NKAIN2: variants seen among roughly 807,000 people sequenced by gnomAD.
The protein encoded by NKAIN2 is sodium/potassium-transporting ATPase subunit beta-1-interacting protein 2.
In NKAIN2, 14 loss-of-function variants were observed where a neutral mutation model predicts 32.6. The ratio of observed to expected loss-of-function variants is 0.43; its 90% confidence interval spans 0.28 to 0.67. The LOEUF is 0.67. Ranked by LOEUF, NKAIN2 falls within the 30% of genes least tolerant of loss-of-function variation. The pLI is 0.17. For synonymous variants in NKAIN2, 80 were observed against 87.2 expected, an observed-to-expected ratio of 0.92 and a Z score of 0.46; for missense variants, 198 against 258.3, an observed-to-expected ratio of 0.77 and a Z score of 1.60.
chr6:124,427,168 A>G (rs907316033), intron 3 of NKAIN2, among the ~76,000 whole-genome samples: 1 of 152,194 alleles, frequency 6.6e-6, no homozygotes, highest in African/African-American at 2.4e-5. Flanking sequence ...GTATTTGCCC[A>G]AGAGAAAATA....
At chr6:124,639,665 G>A (rs1015688004) in intron 3 of NKAIN2, among the ~76,000 whole-genome samples, 2 of 151,986 alleles carry the variant, frequency 1.3e-5, no homozygotes, top group Non-Finnish European at 2.9e-5. Context: ...TATATACCAC[G>A]AAATACTATT....
In NKAIN2 at chr6:123,859,217, T is replaced by C. The variant is rs749640798; in HGVS notation, c.54+54963T>C. Among the ~76,000 whole-genome samples the C allele has an allele frequency of 4.6e-5, 7 of 152,290 alleles. No homozygotes were observed. In the South Asian group the frequency reaches 1.4e-3, roughly 32 times the overall value. ...TTGAATTGCTATTAGAATTCACTGA[T>C]GCTGTGAACAGATTCCATGTGATCA... On this transcript the variant is annotated intron_variant, in intron 1 of 6. Transcript: ENST00000368417.
intron 4 of NKAIN2, among the ~76,000 whole-genome samples, chr6:124,737,335 C>A (rs1776998608): frequency 6.6e-6 from 1 of 151,820 alleles, no homozygotes; most frequent in Admixed American, 6.6e-5. Flanking sequence ...GCTTTTCCCC[C>A]TTTTGCTTGG....
At chr6:124,339,055 CT>C (rs1462690926) in intron 2 of NKAIN2, among the ~76,000 whole-genome samples, 1 of 152,112 alleles carries the variant, frequency 6.6e-6, no homozygotes, top group Non-Finnish European at 1.5e-5. Context: ...GACCCAGTGG[CT>C]CACGGGCTGG....
intron 3 of NKAIN2, among the ~76,000 whole-genome samples, chr6:124,444,249 C>T (rs1490030577): frequency 6.6e-6 from 1 of 151,960 alleles, no homozygotes; most frequent in Admixed American, 6.6e-5. Flanking sequence ...ATCTCAAATT[C>T]TATCTTATAA....
intron 3 of NKAIN2, among the ~76,000 whole-genome samples, chr6:124,467,420 G>C (rs1776803864): frequency 6.6e-6 from 1 of 152,020 alleles, no homozygotes; most frequent in Non-Finnish European, 1.5e-5. Context: ...ACCATTATCT[G>C]AAAATGAAAG....
intron 1 of NKAIN2, among the ~76,000 whole-genome samples, chr6:124,168,290 C>T (rs757140738): frequency 6.6e-6 from 1 of 152,010 alleles, no homozygotes; most frequent in Admixed American, 6.6e-5. Context: ...AGTAAAGATA[C>T]CATCAGAATG....
At chr6:124,489,749 AG>A (rs891198586) in intron 3 of NKAIN2, among the ~76,000 whole-genome samples, 1 of 151,880 alleles carries the variant, frequency 6.6e-6, no homozygotes, top group Non-Finnish European at 1.5e-5. Flanking sequence ...AACCATAGTA[AG>A]TTGGAGTCCA....
At chr6:124,719,574 C>T (rs1775919713) in intron 4 of NKAIN2, among the ~76,000 whole-genome samples, 1 of 152,020 alleles carries the variant, frequency 6.6e-6, no homozygotes, top group Non-Finnish European at 1.5e-5. Flanking sequence ...GAAGGAGTTT[C>T]TTTTTCTTTT....
intron 3 of NKAIN2, among the ~76,000 whole-genome samples, chr6:124,450,195 G>A (rs1040526682): frequency 2.0e-5 from 3 of 152,106 alleles, no homozygotes; most frequent in Admixed American, 6.6e-5. Context: ...CTCAAAATGT[G>A]ACATTTAGTT....
chr6:123,847,550 CTT>C (rs750989765), intron 1 of NKAIN2, among the ~76,000 whole-genome samples: 65 of 152,158 alleles, frequency 4.3e-4, no homozygotes, highest in Non-Finnish European at 8.2e-4. Flanking sequence ...TTATTATGAA[CTT>C]GAGTATATTA....
At chr6:124,022,119 C>A (rs1478147332) in intron 1 of NKAIN2, among the ~76,000 whole-genome samples, 1 of 150,240 alleles carries the variant, frequency 6.7e-6, no homozygotes, top group Non-Finnish European at 1.5e-5. Flanking sequence ...TGTTCAATTC[C>A]CACCTATGAG....
intron 3 of NKAIN2, among the ~76,000 whole-genome samples, chr6:124,495,931 C>A (rs1306153757): frequency 6.6e-6 from 1 of 152,076 alleles, no homozygotes; most frequent in Middle Eastern, 3.2e-3. Context: ...GTGGAGTTGG[C>A]ACGATGTACA....
chr6:124,565,408 CA>C (rs1780871755), intron 3 of NKAIN2, among the ~76,000 whole-genome samples: 1 of 152,114 alleles, frequency 6.6e-6, no homozygotes, highest in South Asian at 2.1e-4. Flanking sequence ...ATAATCCAAA[CA>C]AAGGAAATCA....
intron 1 of NKAIN2, among the ~76,000 whole-genome samples, chr6:123,837,024 A>G (rs938388495): frequency 1.3e-5 from 2 of 152,122 alleles, no homozygotes; most frequent in Non-Finnish European, 2.9e-5. Context: ...TGTTTGTTAC[A>G]TTCATTCATA....
At chr6:124,042,763 A>G (rs1781929854) in intron 1 of NKAIN2, among the ~76,000 whole-genome samples, 2 of 152,102 alleles carry the variant, frequency 1.3e-5, no homozygotes, top group South Asian at 4.1e-4. Flanking sequence ...ATTTTAAGAA[A>G]CTTGGAGAAT....
intron 1 of NKAIN2, among the ~76,000 whole-genome samples, chr6:123,872,262 G>A (rs1772927535): frequency 6.6e-6 from 1 of 152,210 alleles, no homozygotes; most frequent in South Asian, 2.1e-4. Context: ...GTCCTGAAAA[G>A]GAAGAAGTTC....
chr6:124,041,275 C>T (rs1781861545), intron 1 of NKAIN2, among the ~76,000 whole-genome samples: 1 of 152,026 alleles, frequency 6.6e-6, no homozygotes, highest in Admixed American at 6.6e-5. Flanking sequence ...ATCCGCACAT[C>T]ATCTCATACA....
At chr6:124,353,277 A>C (rs931811183) in intron 2 of NKAIN2, among the ~76,000 whole-genome samples, 2 of 152,216 alleles carry the variant, frequency 1.3e-5, no homozygotes, top group African/African-American at 4.8e-5. Flanking sequence ...AAATATGCAA[A>C]TAATCAGATA....
Sources: gnomAD v4.1 joint callset for allele counts (sites outside exome capture counted in the v4.1 genomes callset) on GRCh38, gnomAD v4.1.1 for gene constraint, MANE v1.5 for transcripts, NCBI Gene and HGNC (gene_info 2026-07-23, HGNC 2026-07-21) for gene names.